Variants in ACSS3 observed in about 807,000 individuals in gnomAD.
The protein encoded by ACSS3 is acyl-CoA synthetase short-chain family member 3, mitochondrial.
Under a neutral mutation model 84.2 loss-of-function variants are expected in ACSS3, and 64 were observed. The ratio of observed to expected loss-of-function variants is 0.76; its 90% CI spans 0.62 to 0.94. The LOEUF is 0.94. Ranked by LOEUF, ACSS3 falls within the 40% of genes least tolerant of loss-of-function variation. ACSS3 has a pLI of 0.00. For synonymous variants in ACSS3, 317 were observed against 310.1 expected, an observed-to-expected ratio of 1.02 and a Z score of -0.23; for missense variants, 815 against 867.6, an observed-to-expected ratio of 0.94 and a Z score of 0.76.
At chr12:81,125,985 T>C (rs1434557568) in intron 2 of ACSS3, 5 of 152,194 alleles carry the variant, frequency 3.3e-5, no homozygotes, top group Non-Finnish European at 7.3e-5. Flanking sequence ...ATCATTACAT[T>C]TTAAGAATGT....
chr12:81,142,548 A>T (rs1267116521), intron 4 of ACSS3, among the ~76,000 whole-genome samples: 1 of 152,186 alleles, frequency 6.6e-6, no homozygotes, highest in Non-Finnish European at 1.5e-5. Flanking sequence ...TAAATTTCAA[A>T]ACTGGATTTT....
At chr12:81,181,256 A>G (rs1271055889) in intron 8 of ACSS3, among the ~76,000 whole-genome samples, 2 of 102,964 alleles carry the variant, frequency 1.9e-5, no homozygotes, top group Non-Finnish European at 2.3e-5. Flanking sequence ...CCAGGTCACT[A>G]AGGCATCTGC....
At chr12:81,198,643 G>T (rs2031958921) in intron 8 of ACSS3, among the ~76,000 whole-genome samples, 1 of 150,930 alleles carries the variant, frequency 6.6e-6, no homozygotes, top group South Asian at 2.1e-4. Context: ...CCACTAATGG[G>T]GTCAACACAA....
chr12:81,241,056 A>G (rs1295300440), intron 13 of ACSS3, among the ~76,000 whole-genome samples: 8 of 138,922 alleles, frequency 5.8e-5, no homozygotes, highest in African/African-American at 1.1e-4. Flanking sequence ...TCATTGTTCA[A>G]TTCCCACCTA....
rs777662872 is a variant in ACSS3 at position 81,078,289 on chromosome 12, G to C, written c.169G>C (p.Gly57Arg). The change falls in exon 1 of 16, where the codon GGC becomes CGC. Residue 57 changes from glycine to arginine, a missense_variant. Physicochemically the swap from Gly to Arg is moderately radical, Grantham distance 125 (BLOSUM62 -2). Transcript: ENST00000548058. Reference protein sequence around the residue: ...GGRGCRALSSGSGSEYKTHFA... With the variant: ...GGRGCRALSSRSGSEYKTHFA... ...CCGGGGATGCAGGGCACTGTCCTCC[G>C]GCAGTGGCAGCGAGTACAAGACCCA... The C allele has an allele frequency of 1.1e-5, 18 of 1,611,876 alleles. No individual in the cohort carries two copies. The South Asian group carries it at 1.8e-4, about 16-fold the overall frequency.
chr12:81,092,247 G>A (rs1473603468), intron 1 of ACSS3, among the ~76,000 whole-genome samples: 2 of 151,896 alleles, frequency 1.3e-5, no homozygotes, highest in Admixed American at 1.3e-4. Context: ...TATGGACCAG[G>A]CACTATTCCA....
intron 13 of ACSS3, among the ~76,000 whole-genome samples, chr12:81,235,324 A>T (rs898108441): frequency 6.6e-6 from 1 of 151,038 alleles, no homozygotes; most frequent in African/African-American, 2.4e-5. Context: ...AGATTTTTTT[A>T]TGTAGATCAA....
At position 81,254,854 on chromosome 12, in the gene ACSS3, C is replaced by T; in HGVS notation, c.1996-3C>T. On this transcript the variant is annotated splice_polypyrimidine_tract_variant and splice_region_variant and intron_variant, in intron 15 of 15. Transcript: ENST00000548058. Reference sequence around the variant, plus strand: ...ATTCACCTGACCCTAATTTTTTTTCCAGATAACTTCTACAATTGAAGACCC... The same window carrying T: ...ATTCACCTGACCCTAATTTTTTTTCTAGATAACTTCTACAATTGAAGACCC... The T allele has an allele frequency of 6.3e-7, 1 of 1,598,014 alleles. No homozygotes were observed.
intron 2 of ACSS3, among the ~76,000 whole-genome samples, chr12:81,119,604 C>T (rs4842383): frequency 0.31 from 47,814 of 151,884 alleles, 7,773 homozygotes; most frequent in Admixed American, 0.44. Flanking sequence ...TATTAATATT[C>T]CTTGCTAGGA....
intron 4 of ACSS3, among the ~76,000 whole-genome samples, chr12:81,142,731 AG>A (rs764744394): frequency 2.6e-5 from 4 of 152,228 alleles, no homozygotes; most frequent in Non-Finnish European, 4.4e-5. Flanking sequence ...TAAAATAAAT[AG>A]GCTATGAAAA....
chr12:81,155,082 GGGTATCATCTC>G (rs1886798157), intron 7 of ACSS3, among the ~76,000 whole-genome samples: 1 of 152,158 alleles, frequency 6.6e-6, no homozygotes, highest in Admixed American at 6.5e-5. Flanking sequence ...GTCTAGAAGA[GGGTATCATCTC>G]GAAGAGGATA....
intron 9 of ACSS3, 92 bp from the exon 10 acceptor site, chr12:81,216,809 C>T (rs984202348): frequency 7.8e-6 from 8 of 1,020,086 alleles, no homozygotes; most frequent in Middle Eastern, 2.2e-4. Context: ...CATTGTATGA[C>T]AAACTAGGGT....
Position 81,259,350 on chromosome 12 carries a change from G to T in ACSS3, c.*4428G>T. 1 of 528,736 alleles carries T rather than the reference G, an allele frequency of 1.9e-6. No homozygotes were observed. The highest frequency in any genetic ancestry group is 3.5e-6 in the Non-Finnish European group (1 of 289,154). 32.8% of individuals were successfully genotyped at this position (528,736 alleles called of 1,614,324 possible). A position where few individuals can be genotyped will look rare whatever the true frequency, so the allele number is the denominator to read the frequency against. ...CTTACACATTTAAAAAGAAATGCAC[G>T]GTAATACATAAATGCCTAGTATATT... On this transcript the variant is annotated 3_prime_UTR_variant, in exon 16 of 16. Coordinates refer to ENST00000548058, the MANE Select transcript of ACSS3 (RefSeq NM_024560.4).
chr12:81,091,555 T>C (rs929979615), intron 1 of ACSS3, among the ~76,000 whole-genome samples: 1 of 152,034 alleles, frequency 6.6e-6, no homozygotes, highest in Non-Finnish European at 1.5e-5. Flanking sequence ...AATTTGTAAT[T>C]ACAGGCTTAG....
intron 9 of ACSS3, among the ~76,000 whole-genome samples, chr12:81,206,326 C>T (rs1404626579): frequency 6.6e-6 from 1 of 151,996 alleles, no homozygotes; most frequent in African/African-American, 2.4e-5. Flanking sequence ...TTGTACTGAA[C>T]CGGCAAAACA....
chr12:81,156,736 A>G (rs1886891735), intron 7 of ACSS3, among the ~76,000 whole-genome samples: 1 of 152,190 alleles, frequency 6.6e-6, no homozygotes, highest in South Asian at 2.1e-4. Context: ...CCATAAACTC[A>G]CCAAATGAGA....
chr12:81,143,661 A>T (rs1292304493), intron 5 of ACSS3, among the ~76,000 whole-genome samples: 1 of 152,090 alleles, frequency 6.6e-6, no homozygotes, highest in Non-Finnish European at 1.5e-5. Flanking sequence ...AGTTTCATGC[A>T]GTATAGAATT....
chr12:81,113,024 G>A (rs1883736379), intron 2 of ACSS3, among the ~76,000 whole-genome samples: 1 of 151,978 alleles, frequency 6.6e-6, no homozygotes. Flanking sequence ...ACAGAGATTT[G>A]GGCCTAGTTC....
intron 1 of ACSS3, among the ~76,000 whole-genome samples, chr12:81,099,624 T>G (rs532857257): frequency 6.6e-6 from 1 of 152,320 alleles, no homozygotes; most frequent in Admixed American, 6.5e-5. Context: ...TAGATTTTAC[T>G]AATTTAACTT....
Sources: gnomAD v4.1 joint callset for allele counts (sites outside exome capture counted in the v4.1 genomes callset) on GRCh38, gnomAD v4.1.1 for gene constraint, MANE v1.5 for transcripts, NCBI Gene and HGNC (gene_info 2026-07-23, HGNC 2026-07-21) for gene names.